The following SAMD8 variants were observed in gnomAD, a reference collection of about 807,000 sequenced individuals.
SAMD8 encodes the protein sphingomyelin synthase-related protein 1.
Under a neutral mutation model 42.0 loss-of-function variants are expected in SAMD8, and 20 were observed. The observed-to-expected ratio is 0.48, with a 90% CI of 0.34 to 0.69. SAMD8 has a LOEUF of 0.69. Ranked by LOEUF, SAMD8 falls within the 30% of genes least tolerant of loss-of-function variation. SAMD8 has a pLI of 0.01. For synonymous variants in SAMD8, 162 were observed against 173.0 expected (o/e 0.94, Z 0.50); for missense variants, 328 against 511.6 (o/e 0.64, Z 3.46).
intron 1 of SAMD8, among the ~76,000 whole-genome samples, chr10:75,114,790 C>A (rs904128105): frequency 6.6e-6 from 1 of 152,074 alleles, no homozygotes. Flanking sequence ...AGATTCTACC[C>A]CCTTCATTTT....
intron 4 of SAMD8, 177 bp from the exon 5 acceptor site, chr10:75,175,889 A>G: frequency 2.0e-6 from 2 of 985,402 alleles, no homozygotes; most frequent in Non-Finnish European, 2.4e-6. Context: ...AGTACAGCCA[A>G]GCTTTGCCCA....
intron 2 of SAMD8, among the ~76,000 whole-genome samples, chr10:75,159,301 G>T (rs7918701): frequency 3.4e-4 from 52 of 151,960 alleles, no homozygotes; most frequent in Non-Finnish European, 4.9e-4. Flanking sequence ...CAAGAGATCC[G>T]CTCATCTCAG....
chr10:75,109,702 C>T (rs955873665), upstream of SAMD8, among the ~76,000 whole-genome samples: 4 of 152,002 alleles, frequency 2.6e-5, no homozygotes, highest in South Asian at 2.1e-4. Context: ...CTCTGAATTA[C>T]GGAGGTCAGG....
At chr10:75,157,083 G>A (rs1329895876) in intron 2 of SAMD8, among the ~76,000 whole-genome samples, 1 of 152,066 alleles carries the variant, frequency 6.6e-6, no homozygotes, top group Non-Finnish European at 1.5e-5. Flanking sequence ...GTGTAGGTAT[G>A]TATAGAAAGA....
chr10:75,168,532 C>G lies in SAMD8; in HGVS notation c.675-9C>G. On this transcript the variant is annotated splice_polypyrimidine_tract_variant and intron_variant, in intron 3 of 5. Coordinates refer to ENST00000542569, the MANE Select transcript of SAMD8 (RefSeq NM_001174156.2). ...TGATCTTTCCCCCTTTTTGGTTGAT[C>G]TGTTACAGGTCAATACTTCTGCGAA... The G allele has an allele frequency of 6.2e-7, 1 of 1,608,726 alleles. No individual in the cohort carries two copies. The highest frequency in any genetic ancestry group is 8.5e-7 in the Non-Finnish European group (1 of 1,176,386).
intron 1 of SAMD8, among the ~76,000 whole-genome samples, chr10:75,131,064 A>G (rs1290155146): frequency 1.3e-5 from 2 of 152,250 alleles, no homozygotes; most frequent in Non-Finnish European, 2.9e-5. Context: ...CCTCAAAACA[A>G]CTAGGCAAAG....
chr10:75,129,606 A>G (rs1162414474), intron 1 of SAMD8, among the ~76,000 whole-genome samples: 5 of 152,162 alleles, frequency 3.3e-5, no homozygotes, highest in Non-Finnish European at 7.3e-5. Context: ...TTTGTCATCT[A>G]CGTAGGAAAA....
intron 1 of SAMD8, among the ~76,000 whole-genome samples, chr10:75,142,444 T>C (rs1840038074): frequency 6.6e-6 from 1 of 152,148 alleles, no homozygotes; most frequent in Non-Finnish European, 1.5e-5. Flanking sequence ...AACAGTAAAT[T>C]ATCTTTTTTT....
chr10:75,109,310 C>T (rs1848706991), upstream of SAMD8: 1 of 734,194 alleles, frequency 1.4e-6, no homozygotes. Context: ...CCTTTTCCTC[C>T]CCAAGCCTCC....
Position 75,164,761 on chromosome 10 carries a change from A to G in SAMD8, c.674+21A>G, listed in dbSNP as rs760281292. Reference sequence around the variant, plus strand: ...CACAGGTACCTCATTACTCCATTAAATGACTGAAAATGTTTTGACTCCTGT... The same window carrying G: ...CACAGGTACCTCATTACTCCATTAAGTGACTGAAAATGTTTTGACTCCTGT... On this transcript the variant is annotated intron_variant, in intron 3 of 5. Coordinates refer to ENST00000542569, the MANE Select transcript of SAMD8 (RefSeq NM_001174156.2). 4 of 1,532,340 alleles carry G rather than the reference A, an allele frequency of 2.6e-6. No homozygotes were observed. The Admixed American group carries it at 6.7e-5, about 26-fold the overall frequency. The allele number at this position is 1,532,340 out of a possible 1,614,324, so 94.9% of individuals were successfully genotyped here.
intron 2 of SAMD8, among the ~76,000 whole-genome samples, chr10:75,154,838 A>G (rs2132176549): frequency 6.6e-6 from 1 of 152,318 alleles, no homozygotes; most frequent in East Asian, 1.9e-4. Flanking sequence ...TTTGCTGATG[A>G]ATTTGGATTT....
intron 1 of SAMD8, among the ~76,000 whole-genome samples, chr10:75,141,715 G>C (rs539964405): frequency 6.6e-6 from 1 of 151,168 alleles, no homozygotes; most frequent in African/African-American, 2.4e-5. Context: ...CTAATTTTTT[G>C]TATTTTTATT....
intron 1 of SAMD8, among the ~76,000 whole-genome samples, chr10:75,137,503 G>A (rs1440084133): frequency 6.6e-6 from 1 of 151,134 alleles, no homozygotes; most frequent in East Asian, 1.9e-4. Context: ...TCGTGCCACT[G>A]CACTCCAGCC....
At chr10:75,160,357 A>C (rs1184529698) in intron 2 of SAMD8, among the ~76,000 whole-genome samples, 2 of 144,448 alleles carry the variant, frequency 1.4e-5, no homozygotes, top group Admixed American at 7.0e-5. Flanking sequence ...CCACCACGCC[A>C]GGCTAATTTT....
chr10:75,156,770 G>T (rs1564690572), intron 2 of SAMD8, among the ~76,000 whole-genome samples: 3 of 152,054 alleles, frequency 2.0e-5, no homozygotes, highest in Non-Finnish European at 4.4e-5. Context: ...AAATCCAGGG[G>T]GAAATGTAAG....
intron 1 of SAMD8, among the ~76,000 whole-genome samples, chr10:75,100,689 C>T (rs1320614521): frequency 1.3e-5 from 2 of 152,232 alleles, no homozygotes; most frequent in African/African-American, 4.8e-5. Flanking sequence ...CCTGCCTCCC[C>T]CGCTCAGCAG....
In SAMD8 at chr10:75,179,350, CAA is replaced by C. The variant is rs373531642; in HGVS notation, c.*2659_*2660del. The C allele has an allele frequency of 3.5e-4, 53 of 152,266 alleles. No individual in the cohort carries two copies. The highest frequency in any genetic ancestry group is 1.3e-3 in the African/African-American group (53 of 41,558). The allele number at this position is 152,266 out of a possible 1,614,324, so 9.4% of individuals were successfully genotyped here. On this transcript the variant is annotated 3_prime_UTR_variant, in exon 6 of 6. Transcript: ENST00000542569. ...GGACAGAGTGAGACCCTGCCTCAAT[CAA>C]TCAATCAATCAATAACAAAAACTTA...
intron 1 of SAMD8, among the ~76,000 whole-genome samples, chr10:75,142,687 G>C (rs1345459783): frequency 6.7e-6 from 1 of 150,084 alleles, no homozygotes; most frequent in Non-Finnish European, 1.5e-5. Flanking sequence ...CGCCCGCCTC[G>C]GCCTCCCAAA....
At chr10:75,143,525 A>G (rs1840067649) in intron 1 of SAMD8, among the ~76,000 whole-genome samples, 2 of 151,210 alleles carry the variant, frequency 1.3e-5, no homozygotes, top group Non-Finnish European at 2.9e-5. Flanking sequence ...CTTGTGAATG[A>G]TATTTCACTG....
Sources: allele counts gnomAD v4.1 joint callset (sites outside exome capture counted in the v4.1 genomes callset), GRCh38; gene constraint gnomAD v4.1.1; transcripts MANE v1.5; gene names NCBI Gene and HGNC (gene_info 2026-07-23, HGNC 2026-07-21).